DYM: variants seen among roughly 807,000 people sequenced by gnomAD.
DYM encodes the protein dyggve-Melchior-Clausen syndrome protein.
A neutral mutation model predicts 93.1 loss-of-function variants in DYM; 78 were observed. The observed-to-expected ratio is 0.84, with a 90% CI of 0.70 to 1.01. The LOEUF is 1.01. Ranked by LOEUF, DYM falls within the 50% of genes least tolerant of loss-of-function variation. The probability of loss-of-function intolerance (pLI) is 0.00; values close to 1 mark genes in which losing one functional copy is unlikely to be tolerated. For missense variants in DYM, 789 were observed against 845.0 expected (o/e 0.93, Z 0.82); for synonymous variants, 321 against 319.7 (o/e 1.00, Z -0.04).
chr18:49,233,171 G>T (rs2093760637), intron 13 of DYM, among the ~76,000 whole-genome samples: 1 of 151,732 alleles, frequency 6.6e-6, no homozygotes, highest in South Asian at 2.1e-4. Context: ...GACCAGCCTG[G>T]CCAACATGGT....
chr18:49,361,896 T>G (rs2066056137), intron 6 of DYM, among the ~76,000 whole-genome samples: 1 of 152,268 alleles, frequency 6.6e-6, no homozygotes, highest in African/African-American at 2.4e-5. Context: ...CAGCTAGTTT[T>G]TGTATTTTTA....
intron 1 of DYM, among the ~76,000 whole-genome samples, chr18:49,435,042 T>C (rs1239494617): frequency 6.6e-6 from 1 of 151,606 alleles, no homozygotes; most frequent in Non-Finnish European, 1.5e-5. Flanking sequence ...ACCTCATCTC[T>C]ACTAAAAATA....
At position 49,258,264 on chromosome 18, in the gene DYM, G is replaced by A. The variant is rs1341707935; in HGVS notation, c.1365+116C>T. On this transcript the variant is annotated intron_variant, in intron 12 of 17. Transcript: ENST00000675505. Reference sequence around the variant, plus strand: ...TAATACAGTGACTATACAGTGACCGGTATTTTCTACCATATGTCACGAGAA... The same window carrying A: ...TAATACAGTGACTATACAGTGACCGATATTTTCTACCATATGTCACGAGAA... 11 of 735,640 alleles carry A rather than the reference G, an allele frequency of 1.5e-5. No homozygotes were observed. The East Asian group carries it at 2.4e-4, about 16-fold the overall frequency. The allele number at this position is 735,640 out of a possible 1,614,324, so 45.6% of individuals were successfully genotyped here.
At chr18:49,208,129 G>A (rs1225477889) in intron 14 of DYM, among the ~76,000 whole-genome samples, 1 of 138,654 alleles carries the variant, frequency 7.2e-6, no homozygotes, top group Non-Finnish European at 1.5e-5. Flanking sequence ...GTTGCAGTGA[G>A]CAGAGATTGA....
At chr18:49,444,345 C>A (rs1037783960) in intron 1 of DYM, among the ~76,000 whole-genome samples, 1 of 152,124 alleles carries the variant, frequency 6.6e-6, no homozygotes, top group African/African-American at 2.4e-5. Flanking sequence ...CAGGCTGAGA[C>A]AAATTTTTCT....
intron 7 of DYM, among the ~76,000 whole-genome samples, chr18:49,332,740 G>A (rs1197456282): frequency 6.6e-6 from 1 of 152,122 alleles, no homozygotes; most frequent in Non-Finnish European, 1.5e-5. Flanking sequence ...GCACCATAAT[G>A]ATACTATAAA....
At chr18:49,325,322 T>TA (rs1201389644) in intron 8 of DYM, among the ~76,000 whole-genome samples, 1 of 152,174 alleles carries the variant, frequency 6.6e-6, no homozygotes, top group African/African-American at 2.4e-5. Flanking sequence ...ATCTATTCTA[T>TA]AAAAAACAGT....
chr18:49,253,541 A>C (rs570810723), intron 13 of DYM, among the ~76,000 whole-genome samples: 1 of 152,266 alleles, frequency 6.6e-6, no homozygotes, highest in Non-Finnish European at 1.5e-5. Flanking sequence ...TCATCTGGGG[A>C]TCTTGTTAGA....
In DYM at chr18:49,063,313, T is replaced by C. The variant is rs910663023; in HGVS notation, c.2026-19109A>G. On this transcript the variant is annotated intron_variant, in intron 17 of 17. Coordinates refer to ENST00000675505, the MANE Select transcript of DYM (RefSeq NM_001353214.3). ...GAAAAGCCAGATTTCTTTTCTTTTT[T>C]TTTTTTTTTTTAAATCCATGCCTAA... 1.6e-4 allele frequency among the ~76,000 whole-genome samples: 25 copies of C among 151,750 alleles called. No homozygotes were observed. The East Asian group carries it at 4.4e-3, about 27-fold the overall frequency.
chr18:49,264,596 C>T (rs148388555), intron 11 of DYM, among the ~76,000 whole-genome samples: 1 of 152,238 alleles, frequency 6.6e-6, no homozygotes, highest in East Asian at 1.9e-4. Flanking sequence ...GATGAAGCAT[C>T]GGGTTGAACG....
intron 3 of DYM, among the ~76,000 whole-genome samples, chr18:49,384,708 C>G (rs1278431959): frequency 6.7e-6 from 1 of 148,506 alleles, no homozygotes; most frequent in East Asian, 2.2e-4. Flanking sequence ...ACTAAAAATG[C>G]AATAACAGCT....
intron 2 of DYM, among the ~76,000 whole-genome samples, chr18:49,407,043 C>T (rs1251310190): frequency 6.6e-6 from 1 of 152,178 alleles, no homozygotes; most frequent in African/African-American, 2.4e-5. Context: ...AGATCCATAA[C>T]AACTTCAATG....
chr18:49,121,381 C>T, intron 15 of DYM, among the ~76,000 whole-genome samples: 1 of 151,938 alleles, frequency 6.6e-6, no homozygotes, highest in East Asian at 1.9e-4. Context: ...GAAAACAAGA[C>T]AGAGAATCCA....
At chr18:49,443,351 A>C (rs1421180610) in intron 1 of DYM, among the ~76,000 whole-genome samples, 2 of 152,142 alleles carry the variant, frequency 1.3e-5, no homozygotes, top group Admixed American at 6.6e-5. Flanking sequence ...TGGTGCCCTC[A>C]TCCCTTTATA....
At chr18:49,198,552 C>G (rs1011910803) in intron 14 of DYM, among the ~76,000 whole-genome samples, 3 of 152,172 alleles carry the variant, frequency 2.0e-5, no homozygotes, top group Admixed American at 6.5e-5. Flanking sequence ...ACAACCCCAT[C>G]AAAAAGTGGG....
At chr18:49,438,775 T>G (rs79597356) in intron 1 of DYM, among the ~76,000 whole-genome samples, 13,901 of 152,206 alleles carry the variant, frequency 0.091, 856 homozygotes, top group East Asian at 0.31. Context: ...TGAGGCACTC[T>G]TGCCAGAAAG....
At chr18:49,120,441 C>G (rs912225555) in intron 15 of DYM, among the ~76,000 whole-genome samples, 2 of 152,094 alleles carry the variant, frequency 1.3e-5, no homozygotes, top group African/African-American at 2.4e-5. Flanking sequence ...TATACCATAC[C>G]TTTAAGGGAT....
intron 13 of DYM, among the ~76,000 whole-genome samples, chr18:49,222,242 T>G (rs889595283): frequency 6.6e-6 from 1 of 152,088 alleles, no homozygotes; most frequent in African/African-American, 2.4e-5. Context: ...GAATTTCTGT[T>G]AAATAATCTA....
intron 15 of DYM, among the ~76,000 whole-genome samples, chr18:49,150,794 G>T (rs748852013): frequency 1.3e-5 from 2 of 152,148 alleles, no homozygotes; most frequent in Non-Finnish European, 2.9e-5. Context: ...GCAAATTTAA[G>T]ATCATAGAAG....
Sources: allele counts gnomAD v4.1 joint callset (sites outside exome capture counted in the v4.1 genomes callset), GRCh38; gene constraint gnomAD v4.1.1; transcripts MANE v1.5; gene names NCBI Gene and HGNC (gene_info 2026-07-23, HGNC 2026-07-21).